Variants in A4GNT observed in about 807,000 individuals in gnomAD.
A4GNT encodes the protein alpha-1,4-N-acetylglucosaminyltransferase.
Under a neutral mutation model 8.3 loss-of-function variants are expected in A4GNT, and 6 were observed. The ratio of observed to expected loss-of-function variants is 0.72; its 90% CI spans 0.39 to 1.42. The LOEUF (loss-of-function observed/expected upper bound fraction) is 1.42, where lower values mean the gene tolerates loss of function less well. Among genes scored for constraint, A4GNT ranks in the 40% most tolerant of loss-of-function variants. A4GNT has a pLI of 0.02. For missense variants in A4GNT, 377 were observed against 417.0 expected, an observed-to-expected ratio of 0.90 and a Z score of 0.84; for synonymous variants, 157 against 159.8, an observed-to-expected ratio of 0.98 and a Z score of 0.13.
At chr3:138,131,549 T>A in intron 1 of A4GNT, among the ~76,000 whole-genome samples, 1 of 148,800 alleles carries the variant, frequency 6.7e-6, no homozygotes, top group African/African-American at 2.5e-5. Context: ...ATAGTGAAAA[T>A]CATCACAAAA....
rs1414212371 is a variant in A4GNT, at chr3:138,126,300, A to C, written c.409-1422T>G. Among the ~76,000 whole-genome samples, 8 of 152,174 alleles carry C rather than the reference A, an allele frequency of 5.3e-5. No individual in the cohort carries two copies. In the East Asian group the frequency reaches 1.4e-3, roughly 26 times the overall value. On this transcript the variant is annotated intron_variant, in intron 2 of 2. Coordinates refer to ENST00000236709, the MANE Select transcript of A4GNT (RefSeq NM_016161.3). ...AACAGAAAATGACTTTAAAAAGAAT[A>C]AAAATAAATCAGCATAAATGTCAAT...
intron 2 of A4GNT, among the ~76,000 whole-genome samples, chr3:138,127,703 TC>T (rs2042754389): frequency 6.6e-6 from 1 of 152,110 alleles, no homozygotes; most frequent in Non-Finnish European, 1.5e-5. Flanking sequence ...TTCCTGGGCA[TC>T]ATCAAGGGCT....
chr3:138,125,621 A>G (rs1177885873), intron 2 of A4GNT, among the ~76,000 whole-genome samples: 2 of 152,212 alleles, frequency 1.3e-5, no homozygotes, highest in Non-Finnish European at 2.9e-5. Context: ...ACTGGAATGA[A>G]GTGGGTGGAT....
chr3:138,126,808 G>A (rs1018806924), intron 2 of A4GNT, among the ~76,000 whole-genome samples: 4 of 146,240 alleles, frequency 2.7e-5, no homozygotes, highest in Admixed American at 1.4e-4. Flanking sequence ...CCTGGGCCAC[G>A]AGAGTGAAAC....
intron 1 of A4GNT, 65 bp from the exon 2 acceptor site, chr3:138,131,347 A>C (rs754957580): frequency 7.9e-7 from 1 of 1,267,430 alleles, no homozygotes. Flanking sequence ...GCACACAAGA[A>C]AATGATACAT....
Position 138,124,544 on chromosome 3 carries a change from C to T in A4GNT, c.743G>A (p.Arg248Lys). 6.2e-7 allele frequency: 1 copy of T among 1,614,212 alleles called. No homozygotes were observed. Among genetic ancestry groups the T allele is most frequent in the Non-Finnish European group, 8.5e-7 (1 of 1,180,040 alleles). ...GTGTAAGAAGGATATGTTCAGACAC[C>T]TGAGGTCGCTCACCTCCTGGAAGTC... is the stretch of plus-strand genomic sequence containing the variant. Reference protein sequence around the residue: ...LEDFQEVSDLRCLNISFLHPQ... With the variant: ...LEDFQEVSDLKCLNISFLHPQ... Residue 248 changes from arginine (R) to lysine (K), a missense_variant, in exon 3 of 3, where the codon AGG (arginine) becomes AAG (lysine). By Grantham distance (26) the Arg-to-Lys change is conservative. Coordinates refer to ENST00000236709, the MANE Select transcript of A4GNT (RefSeq NM_016161.3).
intron 2 of A4GNT, among the ~76,000 whole-genome samples, chr3:138,130,233 G>T (rs1454989819): frequency 6.6e-6 from 1 of 151,970 alleles, no homozygotes; most frequent in African/African-American, 2.4e-5. Flanking sequence ...TATAGTTAAA[G>T]CCTGCATAAT....
chr3:138,128,921 T>A (rs1267137638), intron 2 of A4GNT, among the ~76,000 whole-genome samples: 1 of 152,022 alleles, frequency 6.6e-6, no homozygotes, highest in Non-Finnish European at 1.5e-5. Context: ...TGGGTCCCAA[T>A]TTGAGGACTT....
chr3:138,131,185 G>A lies in A4GNT; in HGVS notation c.72C>T (p.Thr24=). Residue 24 remains threonine, a synonymous_variant, in exon 2 of 3, where the codon ACC becomes ACT. Coordinates refer to ENST00000236709, the MANE Select transcript of A4GNT (RefSeq NM_016161.3). The stretch of plus-strand genomic sequence containing the variant: ...AACAGAAGAGGCAGCTGGACTTCAG[G>A]GTGAACTGGTAGAGGAAGCCACAGA... ...LLVCGFLYQF[T]LKSSCLFCLP... is the part of the protein sequence containing the mutation. The A allele has an allele frequency of 6.2e-7, 1 of 1,612,786 alleles. No homozygotes were observed. The highest frequency in any genetic ancestry group is 8.5e-7 in the Non-Finnish European group (1 of 1,178,992).
intron 2 of A4GNT, 126 bp from the exon 3 acceptor site, chr3:138,125,004 C>A: frequency 2.4e-6 from 3 of 1,262,546 alleles, no homozygotes; most frequent in Non-Finnish European, 3.2e-6. Context: ...ATCCTATTTG[C>A]CACAGCCCGA....
upstream of A4GNT, among the ~76,000 whole-genome samples, chr3:138,132,920 T>A (rs2042786494): frequency 6.6e-6 from 1 of 152,320 alleles, no homozygotes; most frequent in East Asian, 1.9e-4. Context: ...GTCCCCCTTA[T>A]GGGGTATAAG....
Position 138,124,431 on chromosome 3 carries a change from C to A in A4GNT, c.856G>T (p.Ala286Ser). ...DTEPSFNVSY[A>S]LHLWNHMNQE... ...TTCATGTGGTTCCACAAATGCAGGG[C>A]ATAAGAGACATTGAAGCTTGGCTCT... Residue 286 changes from alanine (A) to serine (S), a missense_variant, in exon 3 of 3, where the codon GCC becomes TCC. Ala to Ser is a moderately conservative substitution (Grantham distance 99, BLOSUM62 1). Transcript: ENST00000236709. 1 of 1,614,204 alleles carries A rather than the reference C, an allele frequency of 6.2e-7. No individual in the cohort carries two copies. Among genetic ancestry groups the A allele is most frequent in the Non-Finnish European group, 8.5e-7 (1 of 1,180,046 alleles).
Position 138,124,232 on chromosome 3 carries a change from C to A in A4GNT, c.*32G>T. ...TGGCACTCCAGGAAATGTCCATTTC[C>A]ACACTGCAGCAGCAGCAAACGAGTG... On this transcript the variant is annotated 3_prime_UTR_variant, in exon 3 of 3. Transcript: ENST00000236709. 6.3e-7 allele frequency: 1 copy of A among 1,588,012 alleles called. No homozygotes were observed. The highest frequency in any genetic ancestry group is 1.1e-5 in the South Asian group (1 of 87,620).
intron 2 of A4GNT, among the ~76,000 whole-genome samples, chr3:138,125,430 C>A (rs988073953): frequency 1.1e-4 from 17 of 152,086 alleles, no homozygotes; most frequent in African/African-American, 4.1e-4. Flanking sequence ...GTGCCGAATT[C>A]TATTAAAACT....
rs745937519 is a variant in A4GNT at position 138,124,397 on chromosome 3, C to T, written c.890G>A (p.Gly297Glu). 13 of 1,614,246 alleles carry T rather than the reference C, an allele frequency of 8.1e-6. No homozygotes were observed. In the South Asian group the frequency reaches 1.4e-4, roughly 18 times the overall value. Reference sequence around the variant, plus strand: ...GTTGCTTCCTCTAATCACAGCCCGCCCCTCCTGGTTCATGTGGTTCCACAA... The same window carrying T: ...GTTGCTTCCTCTAATCACAGCCCGCTCCTCCTGGTTCATGTGGTTCCACAA... ...LHLWNHMNQE[G>E]RAVIRGSNTL... The change falls in exon 3 of 3, where the codon GGG (glycine) becomes GAG (glutamate). Residue 297 changes from glycine (G) to glutamate (E), a missense_variant. Coordinates refer to ENST00000236709, the MANE Select transcript of A4GNT (RefSeq NM_016161.3).
intron 1 of A4GNT, among the ~76,000 whole-genome samples, chr3:138,131,568 A>C (rs2042777091): frequency 6.6e-6 from 1 of 152,162 alleles, no homozygotes; most frequent in Non-Finnish European, 1.5e-5. Flanking sequence ...AAATTTAAAA[A>C]AAAAGAAAAA....
chr3:138,124,780 A>G lies in A4GNT; in HGVS notation c.507T>C (p.Asp169=), dbSNP rs2042735594. The G allele has an allele frequency of 6.2e-7, 1 of 1,614,186 alleles. No homozygotes were observed. The highest frequency in any genetic ancestry group is 8.5e-7 in the Non-Finnish European group (1 of 1,180,048). ...WKYGGIYMDT[D]VISIRPIPEE... ...CAGGGATGGGCCTGATGGAGATGAC[A>G]TCGGTGTCCATGTAGATGCCACCGT... The change falls in exon 3 of 3, where the codon GAT becomes GAC. Residue 169 remains aspartate (D), a synonymous_variant. Coordinates refer to ENST00000236709, the MANE Select transcript of A4GNT (RefSeq NM_016161.3).
rs879896168 is a variant in A4GNT, at chr3:138,123,802, C to T, written c.*462G>A. On this transcript the variant is annotated 3_prime_UTR_variant, in exon 3 of 3. Transcript: ENST00000236709. ...AAGTCTCTTTTTACCTCAGTCAATG[C>T]TCTAACAGGTCCTGGAATTAATCTT... 1 of 153,960 alleles carries T rather than the reference C, an allele frequency of 6.5e-6. No individual in the cohort carries two copies. The highest frequency in any genetic ancestry group is 2.4e-5 in the African/African-American group (1 of 41,456). The allele number at this position is 153,960 out of a possible 1,614,324, so 9.5% of individuals were successfully genotyped here.
Position 138,125,012 on chromosome 3 carries a change from C to T in A4GNT, c.409-134G>A, listed in dbSNP as rs189456321. 1,634 of 1,202,738 alleles carry T rather than the reference C, an allele frequency of 1.4e-3. 2 individuals carry two copies. The highest frequency in any genetic ancestry group is 1.3e-3 in the Non-Finnish European group (1,171 of 891,126). 74.5% of individuals were successfully genotyped at this position (1,202,738 alleles called of 1,614,324 possible). A position where few individuals can be genotyped will look rare whatever the true frequency, so the allele number is the denominator to read the frequency against. ...TCCCAAAATCCTATTTGCCACAGCC[C>T]GATTTTGCAAGTTTACCAAACTTAC... On this transcript the variant is annotated intron_variant, in intron 2 of 2. Coordinates refer to ENST00000236709, the MANE Select transcript of A4GNT (RefSeq NM_016161.3).
Sources: allele counts gnomAD v4.1 joint callset (sites outside exome capture counted in the v4.1 genomes callset), GRCh38; gene constraint gnomAD v4.1.1; transcripts MANE v1.5; gene names NCBI Gene and HGNC (gene_info 2026-07-23, HGNC 2026-07-21).